MACROD2: variants seen among roughly 807,000 people sequenced by gnomAD.
The protein encoded by MACROD2 is ADP-ribose glycohydrolase MACROD2.
A neutral mutation model predicts 70.4 loss-of-function variants in MACROD2; 36 were observed. That is an observed-to-expected ratio of 0.51 (90% confidence interval 0.39 to 0.68). The LOEUF is 0.68. MACROD2 is among the 30% of genes least tolerant of loss of function. The probability of loss-of-function intolerance (pLI) is 0.00; values close to 1 mark genes in which losing one functional copy is unlikely to be tolerated. For missense variants in MACROD2, 496 were observed against 538.4 expected (o/e 0.92, Z 0.78); for synonymous variants, 172 against 178.8 (o/e 0.96, Z 0.30).
intron 3 of MACROD2, among the ~76,000 whole-genome samples, chr20:14,235,267 A>G (rs551135579): frequency 2.6e-5 from 4 of 152,238 alleles, no homozygotes; most frequent in Non-Finnish European, 5.9e-5. Context: ...TTTCAATTAT[A>G]GTTCTTAAAA....
intron 3 of MACROD2, among the ~76,000 whole-genome samples, chr20:14,487,113 G>T (rs1420280813): frequency 6.6e-6 from 1 of 152,114 alleles, no homozygotes; most frequent in Non-Finnish European, 1.5e-5. Flanking sequence ...CCCACAAAAC[G>T]CCAGACTTTG....
intron 8 of MACROD2, among the ~76,000 whole-genome samples, chr20:15,576,702 A>C (rs1384063530): frequency 1.3e-5 from 2 of 152,174 alleles, no homozygotes; most frequent in African/African-American, 4.8e-5. Context: ...CTGAATTAGG[A>C]GCAGCTGGCA....
At chr20:15,558,660 GAA>G (rs2048200848) in intron 8 of MACROD2, among the ~76,000 whole-genome samples, 1 of 152,066 alleles carries the variant, frequency 6.6e-6, no homozygotes, top group South Asian at 2.1e-4. Context: ...ACCAGAATTT[GAA>G]AAGTTATATT....
chr20:15,799,284 A>G (rs1260407140), intron 8 of MACROD2, among the ~76,000 whole-genome samples: 1 of 152,214 alleles, frequency 6.6e-6, no homozygotes, highest in Admixed American at 6.5e-5. Context: ...TTTATCATTT[A>G]TTTGTGTTGG....
In MACROD2 at chr20:15,215,241, T is replaced by C. The variant is rs889974401; in HGVS notation, c.419-14699T>C. Among the ~76,000 whole-genome samples the C allele has an allele frequency of 4.7e-5, 7 of 149,696 alleles. No individual in the cohort carries two copies. The South Asian group carries it at 6.3e-4, about 14-fold the overall frequency. The stretch of plus-strand genomic sequence containing the variant: ...TATTGAATATTTTTTTTCTCCTTTT[T>C]CTCCTGTATTTTGTGTGTGTGTGTG... On this transcript the variant is annotated intron_variant, in intron 5 of 17. Coordinates refer to ENST00000684519, the MANE Select transcript of MACROD2 (RefSeq NM_001351661.2).
At chr20:15,956,515 G>A (rs2065979048) in intron 12 of MACROD2, among the ~76,000 whole-genome samples, 1 of 152,092 alleles carries the variant, frequency 6.6e-6, no homozygotes, top group South Asian at 2.1e-4. Context: ...GAAAATCTGT[G>A]GGCAGTCCAC....
chr20:16,023,162 A>G (rs758243530), intron 15 of MACROD2, among the ~76,000 whole-genome samples: 3 of 151,168 alleles, frequency 2.0e-5, no homozygotes, highest in Non-Finnish European at 4.4e-5. Context: ...CTACCCTCAG[A>G]TGAGACTGAA....
intron 5 of MACROD2, among the ~76,000 whole-genome samples, chr20:15,096,472 G>C (rs921077132): frequency 4.1e-5 from 6 of 147,254 alleles, no homozygotes; most frequent in African/African-American, 1.2e-4. Context: ...ATATAAATAC[G>C]TATTTATATA....
intron 3 of MACROD2, among the ~76,000 whole-genome samples, chr20:14,418,466 G>T (rs373338230): frequency 6.6e-6 from 1 of 152,154 alleles, no homozygotes; most frequent in African/African-American, 2.4e-5. Flanking sequence ...AGTTGAAAAG[G>T]TCTTTGGAGA....
chr20:14,862,025 A>T (rs2073329176), intron 5 of MACROD2, among the ~76,000 whole-genome samples: 1 of 31,148 alleles, frequency 3.2e-5, no homozygotes, highest in Non-Finnish European at 5.2e-5. Context: ...ATATTTATAT[A>T]TATTTATATA....
chr20:14,947,715 C>T (rs556565240), intron 5 of MACROD2, among the ~76,000 whole-genome samples: 11 of 152,212 alleles, frequency 7.2e-5, no homozygotes, highest in African/African-American at 2.6e-4. Flanking sequence ...GCTAATGCTG[C>T]TGGCCCTAAA....
chr20:14,836,617 A>G (rs916965230), intron 5 of MACROD2, among the ~76,000 whole-genome samples: 2 of 152,106 alleles, frequency 1.3e-5, no homozygotes, highest in Non-Finnish European at 2.9e-5. Context: ...TGTTATCCAT[A>G]GGTTGCCTAT....
chr20:15,053,240 G>A (rs1285634239), intron 5 of MACROD2, among the ~76,000 whole-genome samples: 2 of 152,184 alleles, frequency 1.3e-5, no homozygotes, highest in Non-Finnish European at 2.9e-5. Flanking sequence ...TATACCAAAT[G>A]ACAGATTTTC....
chr20:14,385,060 A>C (rs1422033314), intron 3 of MACROD2, among the ~76,000 whole-genome samples: 1 of 152,156 alleles, frequency 6.6e-6, no homozygotes, highest in Non-Finnish European at 1.5e-5. Context: ...TGAAGGATTT[A>C]TAGAAGCCAT....
intron 8 of MACROD2, among the ~76,000 whole-genome samples, chr20:15,798,979 G>C (rs1379169637): frequency 1.6e-4 from 24 of 152,148 alleles, no homozygotes; most frequent in Non-Finnish European, 4.4e-5. Context: ...GAAACCCGGG[G>C]TATGTATCAT....
At chr20:15,733,892 C>A (rs2050981810) in intron 8 of MACROD2, among the ~76,000 whole-genome samples, 1 of 152,132 alleles carries the variant, frequency 6.6e-6, no homozygotes, top group Admixed American at 6.5e-5. Flanking sequence ...CTCACATATG[C>A]CAGCCATTGA....
intron 6 of MACROD2, among the ~76,000 whole-genome samples, chr20:15,279,527 C>T (rs1240352455): frequency 1.3e-5 from 2 of 152,256 alleles, no homozygotes; most frequent in South Asian, 2.1e-4. Flanking sequence ...TACAAGACAG[C>T]AGTGTTTTTC....
chr20:14,843,248 A>G (rs1398594112), intron 5 of MACROD2, among the ~76,000 whole-genome samples: 2 of 144,290 alleles, frequency 1.4e-5, no homozygotes, highest in Non-Finnish European at 3.0e-5. Flanking sequence ...GAAAGCCATT[A>G]TCTAACTGAA....
At chr20:15,479,265 C>CTCT (rs1555826773) in intron 7 of MACROD2, among the ~76,000 whole-genome samples, 1 of 87,762 alleles carries the variant, frequency 1.1e-5, no homozygotes, top group African/African-American at 5.4e-5. Flanking sequence ...TTCTCGCTCT[C>CTCT]TTTTTTTTTT....
Sources: gnomAD v4.1 joint callset for allele counts (sites outside exome capture counted in the v4.1 genomes callset) on GRCh38, gnomAD v4.1.1 for gene constraint, MANE v1.5 for transcripts, NCBI Gene and HGNC (gene_info 2026-07-23, HGNC 2026-07-21) for gene names.